Variants in RSKR observed in about 807,000 individuals in gnomAD.
The protein encoded by RSKR is ribosomal protein S6 kinase related.
In RSKR, 44 loss-of-function variants were observed where a neutral mutation model predicts 56.8. That is an observed-to-expected ratio of 0.77 (90% CI 0.61 to 1.00). RSKR has a LOEUF of 1.00. Ranked by LOEUF, RSKR falls within the 50% of genes least tolerant of loss-of-function variation. The probability of loss-of-function intolerance (pLI) is 0.00; values close to 1 mark genes in which losing one functional copy is unlikely to be tolerated. For synonymous variants in RSKR, 181 were observed against 188.0 expected, an observed-to-expected ratio of 0.96 and a Z score of 0.30; for missense variants, 510 against 506.9, an observed-to-expected ratio of 1.01 and a Z score of -0.06.
At position 28,613,956 on chromosome 17, in the gene RSKR, A is replaced by G. The variant is rs559644003; in HGVS notation, c.75+131T>C. The G allele has an allele frequency of 8.2e-6, 10 of 1,219,902 alleles. No individual in the cohort carries two copies. The African/African-American group carries it at 1.4e-4, about 16-fold the overall frequency. 75.6% of individuals were successfully genotyped at this position (1,219,902 alleles called of 1,614,324 possible). On this transcript the variant is annotated intron_variant, in intron 1 of 11. Coordinates refer to ENST00000301037, the MANE Select transcript of RSKR (RefSeq NM_001174103.2). ...CTCAGTATTGGGCTGTGATGCTTTCATAGTACAGCCTCCCTGCCCCACCCC... is the reference window on the plus strand; with the variant it reads ...CTCAGTATTGGGCTGTGATGCTTTCGTAGTACAGCCTCCCTGCCCCACCCC...
intron 8 of RSKR, 40 bp from the exon 9 acceptor site, chr17:28,611,696 C>T: frequency 6.2e-7 from 1 of 1,612,520 alleles, no homozygotes; most frequent in Non-Finnish European, 8.5e-7. Context: ...CTGTTCCACC[C>T]ATCATCAGCC....
In RSKR at chr17:28,613,289, G is replaced by A. The variant is rs761602915; in HGVS notation, c.381C>T (p.Cys127=). The change falls in exon 3 of 12, where the codon TGC becomes TGT. Residue 127 remains cysteine, a synonymous_variant. Coordinates refer to ENST00000301037, the MANE Select transcript of RSKR (RefSeq NM_001174103.2). ...SFGTVLKVLD[C]TQKAVFAVKV... ...TCACTGCAAATACAGCTTTCTGGGT[G>A]CAATCTAGCACCTTGAGGACAGTTC... 4 of 1,614,002 alleles carry A rather than the reference G, an allele frequency of 2.5e-6. No individual in the cohort carries two copies. The highest frequency in any genetic ancestry group is 1.1e-5 in the South Asian group (1 of 90,898).
Position 28,609,096 on chromosome 17 carries a change from T to C in RSKR, c.*1382A>G, listed in dbSNP as rs973552697. 6.4e-5 allele frequency: 9 copies of C among 139,588 alleles called. No homozygotes were observed. The highest frequency in any genetic ancestry group is 2.4e-4 in the South Asian group (1 of 4,186). The allele number at this position is 139,588 out of a possible 1,614,324, so 8.6% of individuals were successfully genotyped here. ...CTACCTCTGTCACCCAGGAGTTCAATGGCACAATCTTGGCTCACTGCAACC... is the reference window on the plus strand; with the variant it reads ...CTACCTCTGTCACCCAGGAGTTCAACGGCACAATCTTGGCTCACTGCAACC... On this transcript the variant is annotated 3_prime_UTR_variant, in exon 12 of 12. Coordinates refer to ENST00000301037, the MANE Select transcript of RSKR (RefSeq NM_001174103.2).
In RSKR at chr17:28,613,059, T is replaced by C. The variant is rs1384042376; in HGVS notation, c.477+19A>G. On this transcript the variant is annotated intron_variant, in intron 4 of 11. Transcript: ENST00000301037. ...TGGCCTAGCTCTTCCCACAATCCTT[T>C]CCAGGACTCTGTGCATACCTGGATG... is the stretch of plus-strand genomic sequence containing the variant. 1.2e-6 allele frequency: 2 copies of C among 1,613,786 alleles called. No individual in the cohort carries two copies. Among genetic ancestry groups the C allele is most frequent in the Non-Finnish European group, 1.7e-6 (2 of 1,179,868 alleles).
At chr17:28,610,943 T>G (rs907626680) in intron 11 of RSKR, 200 bp downstream of exon 11, 2 of 651,946 alleles carry the variant, frequency 3.1e-6, no homozygotes, top group African/African-American at 3.6e-5. Flanking sequence ...GGGACCTCTC[T>G]GTTCTAGATG....
intron 1 of RSKR, 75 bp downstream of exon 1, chr17:28,614,012 C>T: frequency 6.4e-7 from 1 of 1,569,310 alleles, no homozygotes; most frequent in South Asian, 1.1e-5. Context: ...ATGCTCCTAA[C>T]CAGGAACTTC....
At position 28,610,067 on chromosome 17, in the gene RSKR, A is replaced by G. The variant is rs1157828232; in HGVS notation, c.*411T>C. The G allele has an allele frequency of 1.8e-5, 3 of 164,434 alleles. No individual in the cohort carries two copies. Among genetic ancestry groups the G allele is most frequent in the Non-Finnish European group, 4.0e-5 (3 of 75,020 alleles). The allele number at this position is 164,434 out of a possible 1,614,324, so 10.2% of individuals were successfully genotyped here. A position where few individuals can be genotyped will look rare whatever the true frequency, so the allele number is the denominator to read the frequency against. Reference sequence around the variant, plus strand: ...GACTCTGTCTCAAAAAAAAAAAAAAAATTCATATTGCTTCTGACAAGCCTA... The same window carrying G: ...GACTCTGTCTCAAAAAAAAAAAAAAGATTCATATTGCTTCTGACAAGCCTA... On this transcript the variant is annotated 3_prime_UTR_variant, in exon 12 of 12. Coordinates refer to ENST00000301037, the MANE Select transcript of RSKR (RefSeq NM_001174103.2).
chr17:28,613,444 A>T lies in RSKR; in HGVS notation c.320T>A (p.Leu107Gln), dbSNP rs368198663. ...TCAGGGATTCCACTGACTTACCTTCAGCTGCTGCTGCCCCCTAATGGGCCT... is the reference window on the plus strand; with the variant it reads ...TCAGGGATTCCACTGACTTACCTTCTGCTGCTGCTGCCCCCTAATGGGCCT... ...PIRPIRGQQQ[L>Q]KILGLVAKGS... The change falls in exon 2 of 12, where the codon CTG (leucine) becomes CAG (glutamine). Residue 107 changes from leucine (L) to glutamine (Q), a missense_variant. Leu to Gln is a moderately radical substitution (Grantham distance 113, BLOSUM62 -2). Transcript: ENST00000301037. The T allele has an allele frequency of 1.8e-4, 283 of 1,614,196 alleles. No homozygotes were observed. The highest frequency in any genetic ancestry group is 2.3e-4 in the Non-Finnish European group (270 of 1,180,028).
At chr17:28,612,472 A>C in intron 5 of RSKR, 106 bp from the exon 6 acceptor site, 1 of 1,377,538 alleles carries the variant, frequency 7.3e-7, no homozygotes, top group Non-Finnish European at 1.0e-6. Context: ...CCAAACTGAT[A>C]CCACCTGCTG....
chr17:28,612,640 C>A lies in RSKR; in HGVS notation c.525G>T (p.Gln175His), dbSNP rs570958064. Reference protein sequence around the residue: ...PFVHSLGDSWQGKRHLFIMCS... With the variant: ...PFVHSLGDSWHGKRHLFIMCS... ...CACTAATGAAAAGGTGCCGTTTTCC[C>A]TGCCAGCTGTCCCCCAAGCTGTGTA... The change falls in exon 5 of 12, where the codon CAG becomes CAT. Residue 175 changes from glutamine (Q) to histidine (H), a missense_variant. Gln to His is a conservative substitution (Grantham distance 24, BLOSUM62 0). Transcript: ENST00000301037. 1 of 1,614,186 alleles carries A rather than the reference C, an allele frequency of 6.2e-7. No individual in the cohort carries two copies. Among genetic ancestry groups the A allele is most frequent in the East Asian group, 2.2e-5 (1 of 44,886 alleles).
Position 28,613,116 on chromosome 17 carries a change from C to G in RSKR, c.439G>C (p.Asp147His). 6.2e-7 allele frequency: 1 copy of G among 1,614,042 alleles called. No individual in the cohort carries two copies. The highest frequency in any genetic ancestry group is 8.5e-7 in the Non-Finnish European group (1 of 1,180,018). ...VVPKVKVLQR[D>H]TVRQCKEEVS... is the part of the protein sequence containing the mutation. ...TCCTCTTTGCACTGCCTCACGGTAT[C>G]CCTCTGTAGGACCTTTACCTTGGGC... The change falls in exon 4 of 12, where the codon GAT (aspartate) becomes CAT (histidine). Residue 147 changes from aspartate (D) to histidine (H), a missense_variant. Coordinates refer to ENST00000301037, the MANE Select transcript of RSKR (RefSeq NM_001174103.2).
In RSKR at chr17:28,612,663, G is replaced by A; in HGVS notation, c.502C>T (p.His168Tyr). Reference protein sequence around the residue: ...IQRQINHPFVHSLGDSWQGKR... With the variant: ...IQRQINHPFVYSLGDSWQGKR... ...CCCTGCCAGCTGTCCCCCAAGCTGTGTACAAAGGGATGGTTGATCTGTCGC... is the reference window on the plus strand; with the variant it reads ...CCCTGCCAGCTGTCCCCCAAGCTGTATACAAAGGGATGGTTGATCTGTCGC... The change falls in exon 5 of 12, where the codon CAC becomes TAC. Residue 168 changes from histidine to tyrosine, a missense_variant. Coordinates refer to ENST00000301037, the MANE Select transcript of RSKR (RefSeq NM_001174103.2). 1 of 1,614,184 alleles carries A rather than the reference G, an allele frequency of 6.2e-7. No individual in the cohort carries two copies. The highest frequency in any genetic ancestry group is 8.5e-7 in the Non-Finnish European group (1 of 1,180,028).
rs370338182 is a variant in RSKR, at chr17:28,613,351, C to G, written c.325-6G>C. 2.3e-5 allele frequency: 37 copies of G among 1,614,050 alleles called. No homozygotes were observed. The highest frequency in any genetic ancestry group is 3.1e-5 in the Non-Finnish European group (36 of 1,180,030). On this transcript the variant is annotated splice_region_variant and splice_polypyrimidine_tract_variant and intron_variant, in intron 2 of 11. Coordinates refer to ENST00000301037, the MANE Select transcript of RSKR (RefSeq NM_001174103.2). The stretch of plus-strand genomic sequence containing the variant: ...TTAGCCACGAGGCCTAAAATCTGTA[C>G]AGAGGAATGGAGAACAGGCCAGTTG...
At position 28,611,633 on chromosome 17, in the gene RSKR, C is replaced by T. The variant is rs34026109; in HGVS notation, c.745G>A (p.Gly249Ser). 0.028 allele frequency: 44,991 copies of T among 1,580,632 alleles called. 756 individuals are homozygous for T. Among genetic ancestry groups the T allele is most frequent in the Non-Finnish European group, 0.033 (37,877 of 1,164,658 alleles). The stretch of plus-strand genomic sequence containing the variant: ...CCCTGGGGCACGTGGCGGGACAGAC[C>T]AAAGTCTGTCAGTTTCAGATGGCCT... ...ERGHLKLTDF[G>S]LSRHVPQGAQ... The change falls in exon 9 of 12, where the codon GGT becomes AGT. Residue 249 changes from glycine to serine, a missense_variant. Physicochemically the swap from Gly to Ser is moderately conservative, Grantham distance 56 (BLOSUM62 0). Coordinates refer to ENST00000301037, the MANE Select transcript of RSKR (RefSeq NM_001174103.2).
intron 2 of RSKR, 32 bp downstream of exon 2, chr17:28,613,408 T>C: frequency 6.2e-6 from 10 of 1,613,962 alleles, no homozygotes; most frequent in Non-Finnish European, 8.5e-6. Flanking sequence ...TCCCAAAGAC[T>C]GAGACCCCAC....
chr17:28,612,038 C>T lies in RSKR; in HGVS notation c.693+6G>A. Reference sequence around the variant, plus strand: ...CAGACAAAGGGAAAAAAGCACTTAACTCTACCTTCACATCTCGATGCATGA... The same window carrying T: ...CAGACAAAGGGAAAAAAGCACTTAATTCTACCTTCACATCTCGATGCATGA... On this transcript the variant is annotated splice_donor_region_variant and intron_variant, in intron 7 of 11. Coordinates refer to ENST00000301037, the MANE Select transcript of RSKR (RefSeq NM_001174103.2). The T allele has an allele frequency of 2.5e-6, 4 of 1,614,172 alleles. No individual in the cohort carries two copies. The highest frequency in any genetic ancestry group is 3.4e-6 in the Non-Finnish European group (4 of 1,180,036).
intron 1 of RSKR, 168 bp from the exon 2 acceptor site, chr17:28,613,856 G>A (rs2070865471): frequency 1.8e-6 from 2 of 1,113,700 alleles, no homozygotes; most frequent in South Asian, 3.2e-5. Context: ...CAGATTTCCT[G>A]GGCACAATTC....
At chr17:28,612,505 A>C in intron 5 of RSKR, 113 bp downstream of exon 5, 1 of 1,387,514 alleles carries the variant, frequency 7.2e-7, no homozygotes, top group Non-Finnish European at 1.0e-6. Context: ...TGGGACAGAG[A>C]GGTGCCATGA....
At position 28,610,708 on chromosome 17, in the gene RSKR, A is replaced by G; in HGVS notation, c.1012-9T>C. ...GGGTTCTGGCATAAGAGCTGAAGGA[A>G]AATAGAGCATGAAGGATGAGTGACT... On this transcript the variant is annotated splice_polypyrimidine_tract_variant and intron_variant, in intron 11 of 11. Coordinates refer to ENST00000301037, the MANE Select transcript of RSKR (RefSeq NM_001174103.2). 6.5e-7 allele frequency: 1 copy of G among 1,535,776 alleles called. No individual in the cohort carries two copies. Among genetic ancestry groups the G allele is most frequent in the Non-Finnish European group, 8.7e-7 (1 of 1,146,558 alleles).
Sources: gnomAD v4.1 joint callset for allele counts on GRCh38, gnomAD v4.1.1 for gene constraint, MANE v1.5 for transcripts, NCBI Gene and HGNC (gene_info 2026-07-23, HGNC 2026-07-21) for gene names.